The following CNGB3 variants were observed in gnomAD, a reference collection of about 807,000 sequenced individuals.
The protein encoded by CNGB3 is cyclic nucleotide gated channel subunit beta 3, also known as cyclic nucleotide-gated channel beta-3.
In CNGB3, 86 loss-of-function variants were observed where a neutral mutation model predicts 92.8. The ratio of observed to expected loss-of-function variants is 0.93; its 90% CI spans 0.78 to 1.11. The LOEUF (loss-of-function observed/expected upper bound fraction) is 1.11, where lower values mean the gene tolerates loss of function less well. Ranked by LOEUF, CNGB3 falls within the 50% of genes least tolerant of loss-of-function variation. The pLI is 0.00. For synonymous variants in CNGB3, 333 were observed against 332.7 expected (o/e 1.00, Z -0.01); for missense variants, 1,026 against 956.8 (o/e 1.07, Z -0.95).
chr8:86,674,718 AG>A (rs1823930150), intron 3 of CNGB3, among the ~76,000 whole-genome samples: 1 of 152,200 alleles, frequency 6.6e-6, no homozygotes, highest in African/African-American at 2.4e-5. Flanking sequence ...CCATGATGAA[AG>A]TTTTGGTAAA....
At chr8:86,682,241 G>A (rs1824095887) in intron 3 of CNGB3, among the ~76,000 whole-genome samples, 1 of 152,128 alleles carries the variant, frequency 6.6e-6, no homozygotes, top group African/African-American at 2.4e-5. Flanking sequence ...TCTTGAGTGA[G>A]GACTTCCTCT....
chr8:86,652,315 C>A (rs1823421590), intron 7 of CNGB3, among the ~76,000 whole-genome samples: 1 of 151,902 alleles, frequency 6.6e-6, no homozygotes, highest in Admixed American at 6.6e-5. Context: ...TAGTGAGTGA[C>A]TGAAGGCCTA....
intron 2 of CNGB3, among the ~76,000 whole-genome samples, chr8:86,730,002 T>A: frequency 6.6e-6 from 1 of 152,236 alleles, no homozygotes; most frequent in East Asian, 1.9e-4. Flanking sequence ...TGTGTACCTG[T>A]GGCAGATAGT....
chr8:86,645,749 A>T (rs893231045), intron 8 of CNGB3, among the ~76,000 whole-genome samples: 3 of 151,302 alleles, frequency 2.0e-5, no homozygotes, highest in Non-Finnish European at 4.4e-5. Context: ...CTCAGATTAT[A>T]ATTTAAATGT....
At chr8:86,742,380 C>T (rs970809706) in intron 1 of CNGB3, among the ~76,000 whole-genome samples, 8 of 152,168 alleles carry the variant, frequency 5.3e-5, no homozygotes, top group Admixed American at 3.9e-4. Flanking sequence ...GGCACTCTCT[C>T]GAAGCAATAC....
chr8:86,606,534 C>T (rs1822414456), intron 14 of CNGB3, among the ~76,000 whole-genome samples: 1 of 152,142 alleles, frequency 6.6e-6, no homozygotes, highest in Non-Finnish European at 1.5e-5. Context: ...TATTTATTTA[C>T]ATACTATTAA....
chr8:86,576,816 C>A (rs1821670383), intron 17 of CNGB3, among the ~76,000 whole-genome samples: 1 of 152,154 alleles, frequency 6.6e-6, no homozygotes, highest in Non-Finnish European at 1.5e-5. Context: ...TTTCTTTACT[C>A]CCATACATTT....
intron 1 of CNGB3, among the ~76,000 whole-genome samples, chr8:86,740,019 C>G (rs1198136047): frequency 6.6e-6 from 1 of 152,168 alleles, no homozygotes; most frequent in African/African-American, 2.4e-5. Flanking sequence ...ATAGGCCTAG[C>G]ATTAGTCTAG....
At chr8:86,645,056 T>A (rs575893450) in intron 8 of CNGB3, among the ~76,000 whole-genome samples, 1 of 151,480 alleles carries the variant, frequency 6.6e-6, no homozygotes, top group South Asian at 2.1e-4. Context: ...AGGAAAAGTA[T>A]AATGCATTAA....
chr8:86,724,516 C>G (rs186427579), intron 3 of CNGB3, among the ~76,000 whole-genome samples: 1 of 152,148 alleles, frequency 6.6e-6, no homozygotes. Context: ...ATGTGCCAGA[C>G]ATTGATGTAG....
intron 3 of CNGB3, among the ~76,000 whole-genome samples, chr8:86,704,734 C>T (rs57057053): frequency 0.022 from 3,335 of 152,276 alleles, 115 homozygotes; most frequent in African/African-American, 0.074. Context: ...TAGTTCTTTT[C>T]ATACAGCACT....
chr8:86,629,672 T>C (rs942100331), intron 11 of CNGB3, among the ~76,000 whole-genome samples: 2 of 152,210 alleles, frequency 1.3e-5, no homozygotes, highest in Non-Finnish European at 2.9e-5. Context: ...AATCTCATCA[T>C]GCTTAAGGCA....
chr8:86,733,087 T>TC (rs1001985223), intron 2 of CNGB3, among the ~76,000 whole-genome samples: 1 of 152,086 alleles, frequency 6.6e-6, no homozygotes, highest in African/African-American at 2.4e-5. Flanking sequence ...TTTCAACTCT[T>TC]CCCCCCACCT....
rs1822837732 is a variant in CNGB3, at chr8:86,625,961, T to C, written c.1578+22A>G. 3.8e-6 allele frequency: 6 copies of C among 1,566,104 alleles called. No individual in the cohort carries two copies. In the South Asian group the frequency reaches 5.6e-5, roughly 15 times the overall value. On this transcript the variant is annotated intron_variant, in intron 13 of 17. Transcript: ENST00000320005. ...TCCATAGAGAAATAGATACAGAGTCTATTAATTGTAAAAGCACTTGCCTTG... is the reference window on the plus strand; with the variant it reads ...TCCATAGAGAAATAGATACAGAGTCCATTAATTGTAAAAGCACTTGCCTTG...
intron 3 of CNGB3, among the ~76,000 whole-genome samples, chr8:86,693,432 ATTATTTATTTAT>A (rs1554615923): frequency 4.3e-5 from 6 of 138,058 alleles, no homozygotes; most frequent in Admixed American, 7.2e-5. Flanking sequence ...TATTATTATT[ATTATTTATTTAT>A]TTATTTATTT....
At position 86,694,035 on chromosome 8, in the gene CNGB3, G is replaced by A. The variant is rs866492300; in HGVS notation, c.339-22937C>T. 2.2e-3 allele frequency among the ~76,000 whole-genome samples: 328 copies of A among 149,208 alleles called. 1 individual carries two copies. The highest frequency in any genetic ancestry group is 7.6e-3 in the African/African-American group (309 of 40,426). ...CCAGTAGGGGTGGCCGGGCAGAGGC[G>A]CCCCTCACCTCCCGGACGGGGCGGC... On this transcript the variant is annotated intron_variant, in intron 3 of 17. Transcript: ENST00000320005.
chr8:86,598,513 A>T (rs138302833), intron 15 of CNGB3, among the ~76,000 whole-genome samples: 1 of 152,372 alleles, frequency 6.6e-6, no homozygotes, highest in Admixed American at 6.5e-5. Context: ...ATAACAAATT[A>T]TCACAAAACA....
At chr8:86,662,708 T>C (rs1823665819) in intron 6 of CNGB3, among the ~76,000 whole-genome samples, 1 of 152,164 alleles carries the variant, frequency 6.6e-6, no homozygotes, top group African/African-American at 2.4e-5. Flanking sequence ...GTGTGGAACC[T>C]GGAATTCGAA....
intron 3 of CNGB3, among the ~76,000 whole-genome samples, chr8:86,712,630 T>C (rs1824770325): frequency 6.6e-6 from 1 of 152,136 alleles, no homozygotes; most frequent in South Asian, 2.1e-4. Flanking sequence ...TTCTATTCTG[T>C]TCTATGGTTT....
Sources: gnomAD v4.1 joint callset for allele counts (sites outside exome capture counted in the v4.1 genomes callset) on GRCh38, gnomAD v4.1.1 for gene constraint, MANE v1.5 for transcripts, NCBI Gene and HGNC (gene_info 2026-07-23, HGNC 2026-07-21) for gene names.